CNTNAP2: variants seen among roughly 807,000 people sequenced by gnomAD.
The protein encoded by CNTNAP2 is contactin-associated protein-like 2.
Under a neutral mutation model 155.2 loss-of-function variants are expected in CNTNAP2, and 98 were observed. The ratio of observed to expected loss-of-function variants is 0.63; its 90% CI spans 0.54 to 0.75. The LOEUF is 0.75. Among genes scored for constraint, CNTNAP2 ranks in the 30% least tolerant of loss-of-function variants. CNTNAP2 has a pLI of 0.00. For missense variants in CNTNAP2, 1,727 were observed against 1,688.1 expected (o/e 1.02, Z -0.40); for synonymous variants, 651 against 631.2 (o/e 1.03, Z -0.47).
At chr7:147,086,279 TAAAC>T (rs1800276185) in intron 4 of CNTNAP2, among the ~76,000 whole-genome samples, 2 of 151,982 alleles carry the variant, frequency 1.3e-5, no homozygotes, top group South Asian at 2.1e-4. Flanking sequence ...TTACAGAAAA[TAAAC>T]AAAAATATGA....
chr7:148,406,007 C>T (rs1563076064), intron 22 of CNTNAP2, among the ~76,000 whole-genome samples: 1 of 151,994 alleles, frequency 6.6e-6, no homozygotes, highest in East Asian at 1.9e-4. Context: ...CCAAGACCGG[C>T]AGATCACGAG....
intron 16 of CNTNAP2, among the ~76,000 whole-genome samples, chr7:148,141,164 G>A (rs1222099765): frequency 6.6e-6 from 1 of 152,154 alleles, no homozygotes; most frequent in African/African-American, 2.4e-5. Context: ...TTTTTATGTA[G>A]GCCAAAACTT....
intron 13 of CNTNAP2, among the ~76,000 whole-genome samples, chr7:147,806,427 G>C (rs1469991543): frequency 2.0e-5 from 3 of 152,096 alleles, no homozygotes; most frequent in African/African-American, 7.2e-5. Context: ...ATGGAAAACA[G>C]CATAAAGGTT....
At chr7:147,084,969 C>G (rs1456528103) in intron 4 of CNTNAP2, among the ~76,000 whole-genome samples, 1 of 151,494 alleles carries the variant, frequency 6.6e-6, no homozygotes, top group Non-Finnish European at 1.5e-5. Context: ...TAATGAAATC[C>G]TTTGCTACCC....
At chr7:148,069,590 G>A (rs778528152) in intron 15 of CNTNAP2, among the ~76,000 whole-genome samples, 6 of 151,878 alleles carry the variant, frequency 4.0e-5, no homozygotes, top group Non-Finnish European at 7.4e-5. Flanking sequence ...GTGAAACCCC[G>A]TCTCTACTAA....
rs1317304165 is a variant in CNTNAP2 at position 146,365,006 on chromosome 7, CAGG to C, written c.97+248036_97+248038del. On this transcript the variant is annotated intron_variant, in intron 1 of 23. Coordinates refer to ENST00000361727, the MANE Select transcript of CNTNAP2 (RefSeq NM_014141.6). ...TTTACAAGCCCTTACTATAAAATCC[CAGG>C]AGAACTTTTAAATTCCATAAGAAAA... Among the ~76,000 whole-genome samples the C allele has an allele frequency of 9.2e-5, 14 of 152,178 alleles. No individual in the cohort carries two copies. The East Asian group carries it at 2.7e-3, about 29-fold the overall frequency.
At chr7:146,176,170 C>G (rs1453211202) in intron 1 of CNTNAP2, among the ~76,000 whole-genome samples, 2 of 152,080 alleles carry the variant, frequency 1.3e-5, no homozygotes, top group Non-Finnish European at 2.9e-5. Context: ...TGAATTGATC[C>G]TCATAATGCC....
chr7:148,403,052 T>C (rs1372212395), intron 22 of CNTNAP2, among the ~76,000 whole-genome samples: 2 of 151,274 alleles, frequency 1.3e-5, no homozygotes, highest in African/African-American at 4.9e-5. Context: ...CTTTACTCTC[T>C]CCTTATTCAC....
chr7:147,823,958 C>A (rs950334789), intron 13 of CNTNAP2, among the ~76,000 whole-genome samples: 2 of 152,138 alleles, frequency 1.3e-5, no homozygotes, highest in Non-Finnish European at 2.9e-5. Context: ...TACTGTCTCC[C>A]TGGCATGACT....
In CNTNAP2 at chr7:146,697,697, C is replaced by A. The variant is rs561424070; in HGVS notation, c.98-76574C>A. ...GTGTCTTTATATTTAAAGTGAATTT[C>A]TTGTAGCCAACCCATAGTAGGTTCT... On this transcript the variant is annotated intron_variant, in intron 1 of 23. Coordinates refer to ENST00000361727, the MANE Select transcript of CNTNAP2 (RefSeq NM_014141.6). Among the ~76,000 whole-genome samples, 17 of 152,082 alleles carry A rather than the reference C, an allele frequency of 1.1e-4. No homozygotes were observed. The South Asian group carries it at 3.5e-3, about 32-fold the overall frequency.
chr7:147,970,117 A>G (rs1472393960), intron 14 of CNTNAP2, among the ~76,000 whole-genome samples: 2 of 151,418 alleles, frequency 1.3e-5, no homozygotes, highest in African/African-American at 4.9e-5. Context: ...TTTTATAGAG[A>G]CAGGGTCTCA....
chr7:147,851,823 T>A (rs1798947910), intron 13 of CNTNAP2, among the ~76,000 whole-genome samples: 1 of 151,896 alleles, frequency 6.6e-6, no homozygotes, highest in East Asian at 1.9e-4. Flanking sequence ...GACGAGTTAA[T>A]GGGTGCAGCA....
intron 4 of CNTNAP2, chr7:147,083,314 G>A (rs991425929): frequency 3.8e-4 from 57 of 151,838 alleles, no homozygotes; most frequent in African/African-American, 1.3e-3. Flanking sequence ...ACGTAGTTTC[G>A]AGAGCCTTCA....
chr7:147,530,202 T>TTC (rs1263627472), intron 11 of CNTNAP2, among the ~76,000 whole-genome samples: 3 of 151,612 alleles, frequency 2.0e-5, no homozygotes, highest in Non-Finnish European at 4.4e-5. Flanking sequence ...TTTTTTTTTT[T>TTC]TGAGACAGAG....
chr7:147,535,657 T>A (rs1427969825), intron 11 of CNTNAP2, among the ~76,000 whole-genome samples: 2 of 152,156 alleles, frequency 1.3e-5, no homozygotes. Flanking sequence ...TTTGGAAATA[T>A]CTCCATTTGC....
At chr7:147,081,957 T>C (rs979765510) in intron 4 of CNTNAP2, 1 of 152,152 alleles carries the variant, frequency 6.6e-6, no homozygotes, top group Admixed American at 6.5e-5. Flanking sequence ...AGAGGATCAA[T>C]AGGCTCTAGC....
intron 13 of CNTNAP2, among the ~76,000 whole-genome samples, chr7:147,698,486 AT>A (rs1366463765): frequency 6.6e-6 from 1 of 152,192 alleles, no homozygotes. Flanking sequence ...ATGAAAAAAA[AT>A]CATTTCTTCT....
chr7:147,095,410 G>A (rs896836120), intron 4 of CNTNAP2, among the ~76,000 whole-genome samples: 1 of 151,730 alleles, frequency 6.6e-6, no homozygotes, highest in Admixed American at 6.6e-5. Flanking sequence ...ACATCTAAAG[G>A]CCCCAACTCC....
chr7:147,479,503 T>C (rs1357640952), intron 10 of CNTNAP2, among the ~76,000 whole-genome samples: 1 of 152,208 alleles, frequency 6.6e-6, no homozygotes, highest in Non-Finnish European at 1.5e-5. Flanking sequence ...AGACAGATGG[T>C]TTTGCAGGTT....
Sources: gnomAD v4.1 joint callset for allele counts (sites outside exome capture counted in the v4.1 genomes callset) on GRCh38, gnomAD v4.1.1 for gene constraint, MANE v1.5 for transcripts, NCBI Gene and HGNC (gene_info 2026-07-23, HGNC 2026-07-21) for gene names.